The following SMC3 variants were observed in gnomAD, a reference collection of about 807,000 sequenced individuals.
The protein encoded by SMC3 is structural maintenance of chromosomes 3, also known as structural maintenance of chromosomes protein 3.
A neutral mutation model predicts 171.8 loss-of-function variants in SMC3; 20 were observed. The observed-to-expected ratio is 0.12, with a 90% CI of 0.08 to 0.17. SMC3 has a LOEUF of 0.17. SMC3 is among the 10% of genes least tolerant of loss of function. SMC3 has a pLI of 1.00. For synonymous variants in SMC3, 464 were observed against 451.1 expected (o/e 1.03, Z -0.36); for missense variants, 543 against 1,420.4 (o/e 0.38, Z 9.93).
intron 3 of SMC3, among the ~76,000 whole-genome samples, chr10:110,574,615 C>T (rs895410850): frequency 6.6e-6 from 1 of 152,182 alleles, no homozygotes; most frequent in Non-Finnish European, 1.5e-5. Context: ...GTGAAGTCTC[C>T]TCACCTCGAC....
At chr10:110,577,532 T>TTGGTTTA (rs753775816) in intron 5 of SMC3, 40 bp downstream of exon 5, 50 of 1,372,104 alleles carry the variant, frequency 3.6e-5, no homozygotes, top group Non-Finnish European at 4.7e-5. Flanking sequence ...GAGAATTTAA[T>TTGGTTTA]TGGTTTAGCT....
chr10:110,584,457 T>C (rs1861077582), intron 13 of SMC3, 61 bp downstream of exon 13: 1 of 1,190,498 alleles, frequency 8.4e-7, no homozygotes, highest in African/African-American at 1.5e-5. Flanking sequence ...TGTTTAGTTT[T>C]ATCTACTTCA....
chr10:110,575,002 T>C (rs1860926127), intron 3 of SMC3, among the ~76,000 whole-genome samples: 1 of 152,208 alleles, frequency 6.6e-6, no homozygotes, highest in Non-Finnish European at 1.5e-5. Context: ...AAAAAGCAAA[T>C]ACAGTGTTAA....
chr10:110,595,038 A>G (rs888920103), intron 18 of SMC3, among the ~76,000 whole-genome samples: 1 of 151,022 alleles, frequency 6.6e-6, no homozygotes, highest in African/African-American at 2.4e-5. Context: ...GCTGGAGTGC[A>G]GTGGCATGAT....
At chr10:110,603,152 A>G (rs2134754460) in intron 27 of SMC3, 32 bp from the exon 28 acceptor site, 4 of 1,563,644 alleles carry the variant, frequency 2.6e-6, no homozygotes, top group South Asian at 1.1e-5. Flanking sequence ...TGCTGAAAAG[A>G]AATTTGTTAA....
chr10:110,575,119 C>G (rs1860928255), intron 3 of SMC3, among the ~76,000 whole-genome samples: 1 of 152,016 alleles, frequency 6.6e-6, no homozygotes, highest in South Asian at 2.1e-4. Context: ...TTAAATGTTT[C>G]AATGAAAACT....
intron 2 of SMC3, among the ~76,000 whole-genome samples, chr10:110,569,949 A>G (rs1432721936): frequency 3.3e-5 from 5 of 152,250 alleles, no homozygotes; most frequent in African/African-American, 1.2e-4. Flanking sequence ...CTGTTGACAC[A>G]GTTTTGCTGT....
chr10:110,590,725 G>C (rs1455689704), intron 16 of SMC3, among the ~76,000 whole-genome samples, 153 bp downstream of exon 16: 2 of 152,150 alleles, frequency 1.3e-5, no homozygotes, highest in African/African-American at 4.8e-5. Context: ...CTAAGTATTT[G>C]TTCCTAATTA....
chr10:110,601,121 C>T lies in SMC3; in HGVS notation c.2635C>T (p.Arg879Ter). 2 of 1,611,618 alleles carry T rather than the reference C, an allele frequency of 1.2e-6. No homozygotes were observed. Among genetic ancestry groups the T allele is most frequent in the Non-Finnish European group, 1.7e-6 (2 of 1,178,006 alleles). ...INKRVKDTMA[R>*]SEDLDNSIDK... ...TAAAAGAGTAAAAGACACTATGGCA[C>T]GATCAGAAGGTGAATTTTTATGTAG... Residue 879 changes from arginine to a stop codon, truncating the protein, a stop_gained, in exon 23 of 29, where the codon CGA (arginine) becomes TGA (stop). Transcript: ENST00000361804. LOFTEE classifies it high-confidence loss of function.
rs1861463031 is a variant in SMC3 at position 110,605,953 on chromosome 10, T to G, written c.*1651T>G. Among the ~76,000 whole-genome samples, 1 of 152,158 alleles carries G rather than the reference T, an allele frequency of 6.6e-6. No individual in the cohort carries two copies. The highest frequency in any genetic ancestry group is 2.4e-5 in the African/African-American group (1 of 41,472). On this transcript the variant is annotated 3_prime_UTR_variant, in exon 29 of 29. Transcript: ENST00000361804. ...TACAAACATAACATCATTCTAGAAC[T>G]TCTTAATATTGTTCTTAAGCATTTC...
rs941335276 is a variant in SMC3 at position 110,577,603 on chromosome 10, A to G, written c.270+111A>G. 17 of 789,900 alleles carry G rather than the reference A, an allele frequency of 2.2e-5. No homozygotes were observed. In the Admixed American group the frequency reaches 3.6e-4, roughly 17 times the overall value. The allele number at this position is 789,900 out of a possible 1,614,324, so 48.9% of individuals were successfully genotyped here. A position where few individuals can be genotyped will look rare whatever the true frequency, so the allele number is the denominator to read the frequency against. ...ATAATTTGTTATAATTACAGTTTAT[A>G]TACTGATTTTATCTTAAAATGACAA... On this transcript the variant is annotated intron_variant, in intron 5 of 28. Coordinates refer to ENST00000361804, the MANE Select transcript of SMC3 (RefSeq NM_005445.4).
intron 2 of SMC3, among the ~76,000 whole-genome samples, chr10:110,573,269 A>G (rs1273709743): frequency 3.9e-5 from 6 of 152,214 alleles, no homozygotes; most frequent in Non-Finnish European, 7.4e-5. Flanking sequence ...GAGACTACAC[A>G]TGATAATATA....
At position 110,577,831 on chromosome 10, in the gene SMC3, T is replaced by C. The variant is rs745497065; in HGVS notation, c.271-4T>C. ...TAACTGTGGGCTTTTACATTTTTTC[T>C]TAGATCGATAAAGAGGAAGTTTCAC... On this transcript the variant is annotated splice_polypyrimidine_tract_variant and splice_region_variant and intron_variant, in intron 5 of 28. Coordinates refer to ENST00000361804, the MANE Select transcript of SMC3 (RefSeq NM_005445.4). 3.1e-6 allele frequency: 5 copies of C among 1,603,488 alleles called. No individual in the cohort carries two copies. The highest frequency in any genetic ancestry group is 4.3e-6 in the Non-Finnish European group (5 of 1,170,824).
chr10:110,584,093 TTA>T, intron 12 of SMC3, 88 bp from the exon 13 acceptor site: 1 of 1,523,354 alleles, frequency 6.6e-7, no homozygotes, highest in South Asian at 1.1e-5. Context: ...AAAAATGGCT[TTA>T]TGTTTCTGTG....
intron 28 of SMC3, among the ~76,000 whole-genome samples, chr10:110,603,924 G>A (rs770503697): frequency 4.6e-5 from 7 of 151,616 alleles, no homozygotes; most frequent in African/African-American, 1.2e-4. Context: ...TGAAACCCCC[G>A]TCTCTACTAA....
intron 20 of SMC3, among the ~76,000 whole-genome samples, chr10:110,599,102 T>C (rs1861346975): frequency 6.6e-6 from 1 of 152,164 alleles, no homozygotes; most frequent in African/African-American, 2.4e-5. Context: ...CTGACAACTT[T>C]TTATTTTTTG....
rs1352295110 is a variant in SMC3, at chr10:110,604,298, G to A, written c.3650G>A (p.Gly1217Asp). The A allele has an allele frequency of 1.9e-6, 3 of 1,604,776 alleles. No individual in the cohort carries two copies. The highest frequency in any genetic ancestry group is 8.5e-7 in the Non-Finnish European group (1 of 1,173,738). ...KDFVEDDTTH[G>D] ...TTTGTAGAAGATGATACCACACATGGTTAATTGGAAAATACTACCTACTGG... is the reference window on the plus strand; with the variant it reads ...TTTGTAGAAGATGATACCACACATGATTAATTGGAAAATACTACCTACTGG... Residue 1217 changes from glycine to aspartate, a missense_variant, in exon 29 of 29, where the codon GGT becomes GAT. Physicochemically the swap from Gly to Asp is moderately conservative, Grantham distance 94 (BLOSUM62 -1). Transcript: ENST00000361804.
intron 17 of SMC3, among the ~76,000 whole-genome samples, chr10:110,592,117 T>A (rs935103409): frequency 6.6e-6 from 1 of 151,858 alleles, no homozygotes; most frequent in South Asian, 2.1e-4. Flanking sequence ...TACAAAAAAT[T>A]AGCTGGACAT....
rs1158830833 is a variant in SMC3, at chr10:110,590,534, A to G, written c.1632A>G (p.Pro544=). 1.9e-6 allele frequency: 3 copies of G among 1,614,160 alleles called. No individual in the cohort carries two copies. The highest frequency in any genetic ancestry group is 2.5e-6 in the Non-Finnish European group (3 of 1,179,976). Reference sequence around the variant, plus strand: ...TAATGAATAACTTTGAATGTGAACCAGCTTTCTACACATGCGTGGAAGTCA... The same window carrying G: ...TAATGAATAACTTTGAATGTGAACCGGCTTTCTACACATGCGTGGAAGTCA... ...GIVMNNFECE[P]AFYTCVEVTA... The change falls in exon 16 of 29, where the codon CCA becomes CCG. Residue 544 remains proline, a synonymous_variant. Transcript: ENST00000361804.
Sources: allele counts gnomAD v4.1 joint callset (sites outside exome capture counted in the v4.1 genomes callset), GRCh38; gene constraint gnomAD v4.1.1; transcripts MANE v1.5; gene names NCBI Gene and HGNC (gene_info 2026-07-23, HGNC 2026-07-21).